PLXNA4: variants seen among roughly 807,000 people sequenced by gnomAD.
The protein encoded by PLXNA4 is plexin A4, also known as plexin-A4.
PLXNA4 carries 44 observed loss-of-function variants against 191.8 expected under a neutral mutation model. The ratio of observed to expected loss-of-function variants is 0.23; its 90% CI spans 0.18 to 0.29. The LOEUF is 0.29. PLXNA4 is among the 10% of genes least tolerant of loss of function. PLXNA4 has a pLI of 1.00. For synonymous variants in PLXNA4, 1,082 were observed against 1,009.5 expected, an observed-to-expected ratio of 1.07 and a Z score of -1.36; for missense variants, 1,800 against 2,488.8, an observed-to-expected ratio of 0.72 and a Z score of 5.89.
chr7:132,458,167 A>G (rs1796376993), intron 3 of PLXNA4, among the ~76,000 whole-genome samples: 1 of 152,046 alleles, frequency 6.6e-6, no homozygotes, highest in Non-Finnish European at 1.5e-5. Flanking sequence ...GAAAACGACA[A>G]TGTACCCCAT....
chr7:132,397,037 G>A (rs758220946), intron 3 of PLXNA4, among the ~76,000 whole-genome samples: 1 of 152,222 alleles, frequency 6.6e-6, no homozygotes. Flanking sequence ...CAGGGATGGG[G>A]GCTGGGGACA....
chr7:132,481,193 G>T (rs1797320453), intron 3 of PLXNA4, among the ~76,000 whole-genome samples: 1 of 152,024 alleles, frequency 6.6e-6, no homozygotes, highest in Admixed American at 6.5e-5. Context: ...CCAGGAAGAT[G>T]GATTAAAGAG....
intron 2 of PLXNA4, among the ~76,000 whole-genome samples, chr7:132,616,832 G>A (rs759889606): frequency 1.1e-4 from 16 of 152,084 alleles, no homozygotes; most frequent in Non-Finnish European, 2.1e-4. Flanking sequence ...TAGACTGTGC[G>A]GTTCTCTGAC....
chr7:132,259,696 A>G (rs1389036826), intron 4 of PLXNA4, among the ~76,000 whole-genome samples: 1 of 152,162 alleles, frequency 6.6e-6, no homozygotes, highest in East Asian at 1.9e-4. Flanking sequence ...AATGTTATTC[A>G]TAATTGCCAA....
intron 1 of PLXNA4, among the ~76,000 whole-genome samples, chr7:132,561,948 T>TC (rs2116651159): frequency 7.1e-6 from 1 of 140,524 alleles, no homozygotes; most frequent in Non-Finnish European, 1.5e-5. Context: ...CTTACCCTCC[T>TC]CTTTCTCCTC....
intron 1 of PLXNA4, among the ~76,000 whole-genome samples, chr7:132,524,133 C>A (rs888895721): frequency 6.6e-6 from 1 of 152,176 alleles, no homozygotes; most frequent in African/African-American, 2.4e-5. Flanking sequence ...CCTAACCCTG[C>A]AAAAAGCCCC....
chr7:132,311,256 C>T (rs576747501), intron 3 of PLXNA4, among the ~76,000 whole-genome samples: 22 of 151,354 alleles, frequency 1.5e-4, no homozygotes, highest in African/African-American at 5.3e-4. Flanking sequence ...TACCCAAGAT[C>T]CGGCTCATGG....
At chr7:132,563,934 GTCCTCC>G (rs1167405519) in intron 1 of PLXNA4, among the ~76,000 whole-genome samples, 2 of 44,256 alleles carry the variant, frequency 4.5e-5, no homozygotes. Flanking sequence ...CCTTTTCCTC[GTCCTCC>G]TCCTCCTCCT....
At chr7:132,214,519 G>C (rs559400292) in intron 9 of PLXNA4, among the ~76,000 whole-genome samples, 2 of 152,176 alleles carry the variant, frequency 1.3e-5, no homozygotes, top group Admixed American at 1.3e-4. Context: ...TAGGCACCAA[G>C]GCATGAAGGG....
At chr7:132,185,492 C>G (rs117274958) in intron 15 of PLXNA4, 29 bp from the exon 16 acceptor site, 1 of 1,596,874 alleles carries the variant, frequency 6.3e-7, no homozygotes, top group Non-Finnish European at 8.5e-7. Context: ...GAGCACTGGG[C>G]GCCTGGTGTT....
rs1270071164 is a variant in PLXNA4 at position 132,563,377 on chromosome 7, TCTC to T, written c.-87+13042_-87+13044del. 4.3e-3 allele frequency among the ~76,000 whole-genome samples: 102 copies of T among 23,462 alleles called. 2 individuals carry two copies. The highest frequency in any genetic ancestry group is 0.017 in the African/African-American group (94 of 5,678). 15.4% of individuals were successfully genotyped at this position (23,462 alleles called of 152,430 possible). ...TCCTCCTTCTCCTCCTCCTCCTCCT[TCTC>T]CTCCTCCTCCTCTTTCTCCTCCTCC... On this transcript the variant is annotated intron_variant, in intron 1 of 31. Transcript: ENST00000321063.
At position 132,402,722 on chromosome 7, in the gene PLXNA4, T is replaced by C. The variant is rs942558995; in HGVS notation, c.1371+86570A>G. ...CGCTCAGTCCATCGGATCAATCAGGTTTAACAAGGAGGCATCCGAGGATCA... is the reference window on the plus strand; with the variant it reads ...CGCTCAGTCCATCGGATCAATCAGGCTTAACAAGGAGGCATCCGAGGATCA... On this transcript the variant is annotated intron_variant, in intron 3 of 31. Transcript: ENST00000321063. Among the ~76,000 whole-genome samples the C allele has an allele frequency of 5.3e-5, 8 of 152,254 alleles. No individual in the cohort carries two copies. The East Asian group carries it at 1.4e-3, about 26-fold the overall frequency.
At chr7:132,634,704 C>T (rs543442830) in intron 2 of PLXNA4, among the ~76,000 whole-genome samples, 1 of 152,190 alleles carries the variant, frequency 6.6e-6, no homozygotes, top group Non-Finnish European at 1.5e-5. Context: ...CTCAAGGAGC[C>T]CATCTGAGAT....
At chr7:132,132,433 TTC>T (rs1563048099) in intron 31 of PLXNA4, among the ~76,000 whole-genome samples, 22 of 82,002 alleles carry the variant, frequency 2.7e-4, no homozygotes, top group Middle Eastern at 5.9e-3. Flanking sequence ...TTCTGTTCTG[TTC>T]TGTTCTGTTC....
chr7:132,515,922 C>T (rs1474000282), intron 1 of PLXNA4, among the ~76,000 whole-genome samples: 1 of 152,160 alleles, frequency 6.6e-6, no homozygotes, highest in Non-Finnish European at 1.5e-5. Flanking sequence ...AATATGAGCT[C>T]CTTGAGGACA....
intron 20 of PLXNA4, 67 bp downstream of exon 20, chr7:132,179,605 CATACACATACACAGA>C: frequency 6.5e-7 from 1 of 1,539,128 alleles, no homozygotes; most frequent in East Asian, 2.3e-5. Context: ...GAAACATATG[CATACACATACACAGA>C]TGTGCATGCA....
At chr7:132,436,644 A>G (rs1280706794) in intron 3 of PLXNA4, among the ~76,000 whole-genome samples, 1 of 152,236 alleles carries the variant, frequency 6.6e-6, no homozygotes, top group African/African-American at 2.4e-5. Context: ...CCAAGTTGCT[A>G]CATGGAAAAT....
At chr7:132,366,196 C>A (rs1804177795) in intron 3 of PLXNA4, 1 of 152,124 alleles carries the variant, frequency 6.6e-6, no homozygotes, top group Non-Finnish European at 1.5e-5. Flanking sequence ...GGGTAATAGA[C>A]CCTGTGCTTT....
chr7:132,552,431 G>T (rs780989892), intron 1 of PLXNA4, among the ~76,000 whole-genome samples: 1 of 152,170 alleles, frequency 6.6e-6, no homozygotes, highest in Non-Finnish European at 1.5e-5. Context: ...ACAAGCAGTA[G>T]CTGGAAGTAC....
Sources: gnomAD v4.1 joint callset for allele counts (sites outside exome capture counted in the v4.1 genomes callset) on GRCh38, gnomAD v4.1.1 for gene constraint, MANE v1.5 for transcripts, NCBI Gene and HGNC (gene_info 2026-07-23, HGNC 2026-07-21) for gene names.